SERINC5: variants seen among roughly 807,000 people sequenced by gnomAD.
SERINC5 encodes serine incorporator 5, also known as chromosome 5 open reading frame 12.
SERINC5 carries 41 observed loss-of-function variants against 63.1 expected under a neutral mutation model. The observed-to-expected ratio is 0.65, with a 90% confidence interval of 0.51 to 0.84. The LOEUF (loss-of-function observed/expected upper bound fraction) is 0.84. Among genes scored for constraint, SERINC5 ranks in the 40% least tolerant of loss-of-function variants. The pLI is 0.00. For synonymous variants in SERINC5, 222 were observed against 215.2 expected, an observed-to-expected ratio of 1.03 and a Z score of -0.28; for missense variants, 523 against 573.0, an observed-to-expected ratio of 0.91 and a Z score of 0.89.
At chr5:80,230,031 C>T (rs768941898) in intron 1 of SERINC5, among the ~76,000 whole-genome samples, 1 of 152,116 alleles carries the variant, frequency 6.6e-6, no homozygotes. Flanking sequence ...GGGAGATTTA[C>T]CTAGTTGCCA....
intron 1 of SERINC5, among the ~76,000 whole-genome samples, chr5:80,228,291 A>AGGAG (rs199602812): frequency 3.9e-5 from 2 of 50,682 alleles, no homozygotes; most frequent in Non-Finnish European, 6.9e-5. Flanking sequence ...AGGGAGGGAA[A>AGGAG]GGAGGGAGGG....
chr5:80,242,326 T>C (rs1412259803), intron 1 of SERINC5, among the ~76,000 whole-genome samples: 1 of 151,642 alleles, frequency 6.6e-6, no homozygotes, highest in Non-Finnish European at 1.5e-5. Context: ...AAGACCCTTT[T>C]AGAAAAATAG....
downstream of SERINC5, among the ~76,000 whole-genome samples, chr5:80,135,260 C>A (rs952274386): frequency 1.3e-5 from 2 of 152,122 alleles, no homozygotes; most frequent in African/African-American, 4.8e-5. Context: ...TCTTGAACTC[C>A]CAGCCTCAAG....
In SERINC5 at chr5:80,138,939, G is replaced by GT. The variant is rs1031296145; in HGVS notation, c.*4723dup. On this transcript the variant is annotated 3_prime_UTR_variant, in exon 12 of 12. Transcript: ENST00000507668. ...AAAGTACAGAGTTAACAAGTTTTGA[G>GT]TTTTTTATATAGGAAAAGCCTAGTC... The GT allele has an allele frequency of 6.2e-6, 6 of 974,422 alleles. No individual in the cohort carries two copies. Among genetic ancestry groups the GT allele is most frequent in the East Asian group, 2.3e-4 (2 of 8,782 alleles). 60.4% of individuals were successfully genotyped at this position (974,422 alleles called of 1,614,324 possible).
In SERINC5 at chr5:80,141,690, G is replaced by A; in HGVS notation, c.*1973C>T. On this transcript the variant is annotated 3_prime_UTR_variant, in exon 12 of 12. Coordinates refer to ENST00000507668, the MANE Select transcript of SERINC5 (RefSeq NM_001174072.3). ...GCCCCACTCCCTGAGCCCATTCCTG[G>A]CCCACGGAACTCCTGTCCCCTAACT... 1.0e-6 allele frequency: 1 copy of A among 985,512 alleles called. No individual in the cohort carries two copies. Among genetic ancestry groups the A allele is most frequent in the Non-Finnish European group, 1.2e-6 (1 of 830,010 alleles). 61.0% of individuals were successfully genotyped at this position (985,512 alleles called of 1,614,324 possible). A position where few individuals can be genotyped will look rare whatever the true frequency, so the allele number is the denominator to read the frequency against.
intron 11 of SERINC5, among the ~76,000 whole-genome samples, chr5:80,145,678 TAA>T (rs1745772460): frequency 1.3e-5 from 2 of 152,296 alleles, no homozygotes; most frequent in Non-Finnish European, 2.9e-5. Flanking sequence ...TCCATTTTCT[TAA>T]AGTTGCCATA....
intron 1 of SERINC5, among the ~76,000 whole-genome samples, chr5:80,211,727 T>A (rs1018904681): frequency 2.2e-4 from 33 of 152,240 alleles, no homozygotes; most frequent in Non-Finnish European, 4.4e-4. Flanking sequence ...ACAGGTCATG[T>A]AAGCATCACT....
chr5:80,240,932 A>G (rs1751912288), intron 1 of SERINC5, among the ~76,000 whole-genome samples: 1 of 152,172 alleles, frequency 6.6e-6, no homozygotes. Flanking sequence ...CTCAGTCCCC[A>G]AAAAGTGCTG....
intron 11 of SERINC5, among the ~76,000 whole-genome samples, chr5:80,120,206 A>G (rs577940675): frequency 6.6e-6 from 1 of 152,308 alleles, no homozygotes; most frequent in African/African-American, 2.4e-5. Flanking sequence ...CAACTAGACT[A>G]TATTTCCCAG....
intron 8 of SERINC5, among the ~76,000 whole-genome samples, chr5:80,153,748 C>T (rs1252807190): frequency 6.6e-6 from 1 of 151,766 alleles, no homozygotes; most frequent in East Asian, 1.9e-4. Flanking sequence ...TCTCTGCCTG[C>T]TGCCACCCCA....
intron 1 of SERINC5, among the ~76,000 whole-genome samples, chr5:80,212,665 T>TGGGGGGGGG (rs752075084): frequency 8.0e-5 from 4 of 50,230 alleles, no homozygotes; most frequent in Non-Finnish European, 1.6e-4. Flanking sequence ...AGTGGTGGGG[T>TGGGGGGGGG]GGGGGGGGGG....
intron 6 of SERINC5, 140 bp from the exon 7 acceptor site, chr5:80,166,618 G>A: frequency 1.8e-6 from 1 of 570,558 alleles, no homozygotes; most frequent in East Asian, 3.1e-5. Flanking sequence ...AAAAAATGTA[G>A]TATGTTTCTC....
At chr5:80,137,379 A>G (rs4704616), downstream of SERINC5, among the ~76,000 whole-genome samples, 92,970 of 151,558 alleles carry the variant, frequency 0.61, 29,138 homozygotes, top group African/African-American at 0.73. Flanking sequence ...AGTGGCTCAC[A>G]CCTGTAATCC....
chr5:80,163,097 C>T (rs765579827), intron 7 of SERINC5, among the ~76,000 whole-genome samples: 2 of 152,086 alleles, frequency 1.3e-5, no homozygotes, highest in African/African-American at 2.4e-5. Flanking sequence ...TCAAATGATC[C>T]ACCCACCCTG....
chr5:80,202,102 G>T (rs1173876167), intron 2 of SERINC5, among the ~76,000 whole-genome samples: 1 of 152,066 alleles, frequency 6.6e-6, no homozygotes, highest in Non-Finnish European at 1.5e-5. Flanking sequence ...GCTGGCCGTG[G>T]TGGGGGGCAC....
chr5:80,136,738 A>G (rs1745192906), downstream of SERINC5, among the ~76,000 whole-genome samples: 1 of 152,202 alleles, frequency 6.6e-6, no homozygotes, highest in Admixed American at 6.6e-5. Context: ...TAAGAAACTC[A>G]AAACTGCTCA....
intron 1 of SERINC5, among the ~76,000 whole-genome samples, chr5:80,246,527 G>A (rs1752176966): frequency 6.6e-6 from 1 of 152,128 alleles, no homozygotes; most frequent in Admixed American, 6.6e-5. Flanking sequence ...ACTATATACT[G>A]TAACCTTACT....
chr5:80,158,132 C>T (rs1451324889), intron 8 of SERINC5: 1 of 152,200 alleles, frequency 6.6e-6, no homozygotes. Flanking sequence ...TAAAGGGAAG[C>T]TTAGTTATCA....
rs182621824 is a variant in SERINC5, at chr5:80,196,357, C to T, written c.195+6529G>A. Among the ~76,000 whole-genome samples the T allele has an allele frequency of 3.4e-3, 515 of 152,164 alleles. 2 individuals are homozygous for T. The highest frequency in any genetic ancestry group is 0.011 in the African/African-American group (472 of 41,516). ...GCGACTAAAATAAAAAAAAGATGTA[C>T]CATTAAGTGTTGGTGAGGGTGTGGA... is the stretch of plus-strand genomic sequence containing the variant. On this transcript the variant is annotated intron_variant, in intron 2 of 11. Coordinates refer to ENST00000507668, the MANE Select transcript of SERINC5 (RefSeq NM_001174072.3).
Sources: gnomAD v4.1 joint callset for allele counts (sites outside exome capture counted in the v4.1 genomes callset) on GRCh38, gnomAD v4.1.1 for gene constraint, MANE v1.5 for transcripts, NCBI Gene and HGNC (gene_info 2026-07-23, HGNC 2026-07-21) for gene names.